PRKAR1A: variants seen among roughly 807,000 people sequenced by gnomAD.
PRKAR1A encodes the protein cAMP-dependent protein kinase type I-alpha regulatory subunit.
A neutral mutation model predicts 52.0 loss-of-function variants in PRKAR1A; 3 were observed. The ratio of observed to expected loss-of-function variants is 0.06; its 90% CI spans 0.03 to 0.15. PRKAR1A has a LOEUF of 0.15. Ranked by LOEUF, PRKAR1A falls within the 10% of genes least tolerant of loss-of-function variation. The probability of loss-of-function intolerance (pLI) is 1.00; values close to 1 mark genes in which losing one functional copy is unlikely to be tolerated. For synonymous variants in PRKAR1A, 188 were observed against 168.4 expected, an observed-to-expected ratio of 1.12 and a Z score of -0.90; for missense variants, 240 against 477.4, an observed-to-expected ratio of 0.50 and a Z score of 4.63.
rs573817614 is a variant in PRKAR1A, at chr17:68,532,563, G to A, written c.*2114G>A. ...ATAATTTGTCTTAGTTGATATTCAA[G>A]GCTTTAAAAGTCATTATTCCTGGGC... On this transcript the variant is annotated 3_prime_UTR_variant, in exon 11 of 11. Transcript: ENST00000589228. 33 of 1,065,920 alleles carry A rather than the reference G, an allele frequency of 3.1e-5. No homozygotes were observed. The South Asian group carries it at 1.3e-3, about 43-fold the overall frequency. The allele number at this position is 1,065,920 out of a possible 1,614,324, so 66.0% of individuals were successfully genotyped here. A position where few individuals can be genotyped will look rare whatever the true frequency, so the allele number is the denominator to read the frequency against.
chr17:68,527,152 T>G (rs2085817847), intron 7 of PRKAR1A, among the ~76,000 whole-genome samples: 1 of 152,242 alleles, frequency 6.6e-6, no homozygotes, highest in African/African-American at 2.4e-5. Flanking sequence ...TATTTTACTT[T>G]CTCATAGTGG....
At chr17:68,530,125 C>T (rs2085928782) in intron 10 of PRKAR1A, 124 bp downstream of exon 10, 6 of 1,474,268 alleles carry the variant, frequency 4.1e-6, no homozygotes, top group Non-Finnish European at 5.7e-6. Context: ...TCTTTTTTGG[C>T]TCTGAGAGGG....
the PRKAR1A span, among the ~76,000 whole-genome samples, chr17:68,423,829 A>G: frequency 6.6e-6 from 1 of 152,336 alleles, no homozygotes; most frequent in Admixed American, 6.5e-5. The surrounding 1 kb of genome is among the most constrained non-coding windows in gnomAD (Gnocchi z 4.4). Flanking sequence ...TAATATCCAC[A>G]TTACCCCAAT....
the PRKAR1A span, among the ~76,000 whole-genome samples, chr17:68,425,701 C>T: frequency 7.2e-5 from 11 of 152,302 alleles, no homozygotes; most frequent in African/African-American, 2.6e-4. Context: ...ATTCTGCAAA[C>T]GCATCCATGG....
chr17:68,517,701 A>G (rs754099841), intron 2 of PRKAR1A, among the ~76,000 whole-genome samples: 1 of 152,176 alleles, frequency 6.6e-6, no homozygotes, highest in Non-Finnish European at 1.5e-5. Flanking sequence ...CAGCCAAACC[A>G]TATCATTCCA....
the PRKAR1A span, among the ~76,000 whole-genome samples, chr17:68,416,225 G>C: frequency 1.3e-5 from 2 of 152,186 alleles, no homozygotes; most frequent in Non-Finnish European, 2.9e-5. Context: ...GTGGTGACTT[G>C]GTAGTGGTGA....
the PRKAR1A span, among the ~76,000 whole-genome samples, chr17:68,488,061 AG>A: frequency 1.3e-5 from 2 of 152,076 alleles, no homozygotes; most frequent in African/African-American, 2.4e-5. Context: ...ACAGGGGAGT[AG>A]GGGGGTGGCA....
chr17:68,465,476 A>G, the PRKAR1A span, among the ~76,000 whole-genome samples: 13 of 151,796 alleles, frequency 8.6e-5, no homozygotes, highest in Non-Finnish European at 1.8e-4. Context: ...TATTTTTTAG[A>G]TGGAGTCTCA....
chr17:68,426,249 C>CGGGGGGGGGGGGGGGGGG, the PRKAR1A span: 1 of 776,014 alleles, frequency 1.3e-6, no homozygotes, highest in African/African-American at 1.9e-5. Flanking sequence ...GGGTGGGGAG[C>CGGGGGGGGGGGGGGGGGG]GGGGGCTCAA....
chr17:68,431,670 C>T, the PRKAR1A span, among the ~76,000 whole-genome samples: 5 of 14,740 alleles, frequency 3.4e-4, no homozygotes, highest in Non-Finnish European at 7.1e-4. Context: ...TGGACCAGCA[C>T]GAGGTGCTAA....
At chr17:68,525,323 C>T (rs1031028389) in intron 6 of PRKAR1A, among the ~76,000 whole-genome samples, 10 of 148,962 alleles carry the variant, frequency 6.7e-5, no homozygotes, top group Admixed American at 3.4e-4. Context: ...ATTCTAGACC[C>T]AGCCATTAGC....
chr17:68,438,225 C>A, the PRKAR1A span, among the ~76,000 whole-genome samples: 28 of 149,680 alleles, frequency 1.9e-4, no homozygotes, highest in African/African-American at 6.8e-4. Context: ...AGCCCCGGAA[C>A]CTTTAACTGC....
the PRKAR1A span, among the ~76,000 whole-genome samples, chr17:68,486,523 T>C: frequency 1.1e-3 from 115 of 100,088 alleles, no homozygotes; most frequent in Non-Finnish European, 1.9e-3. Context: ...CTTTCTTTCT[T>C]TCTTTCTTTC....
chr17:68,550,110 T>G (rs999599084), intron 11 of PRKAR1A, among the ~76,000 whole-genome samples: 2 of 152,066 alleles, frequency 1.3e-5, no homozygotes, highest in African/African-American at 4.8e-5. Flanking sequence ...GGGAAATAAG[T>G]TAATATTGAT....
chr17:68,536,893 C>CT (rs1173157692), downstream of PRKAR1A: 1 of 454,114 alleles, frequency 2.2e-6, no homozygotes, highest in East Asian at 6.9e-5. Flanking sequence ...TATAATATCT[C>CT]TAAGAAGTTA....
chr17:68,450,730 G>A, the PRKAR1A span: 3 of 1,605,278 alleles, frequency 1.9e-6, no homozygotes, highest in Admixed American at 1.7e-5. Context: ...CCACTTACTT[G>A]CCGGTTCAGC....
At chr17:68,505,572 G>A in the PRKAR1A span, among the ~76,000 whole-genome samples, 1 of 152,136 alleles carries the variant, frequency 6.6e-6, no homozygotes, top group Non-Finnish European at 1.5e-5. Context: ...TAGCACTTTG[G>A]GAGGCCCAAG....
the PRKAR1A span, chr17:68,436,292 C>T: frequency 1.9e-3 from 2,217 of 1,187,992 alleles, 39 homozygotes; most frequent in African/African-American, 0.028. Context: ...CGCCTCCAGC[C>T]CCCGACGGCA....
downstream of PRKAR1A, among the ~76,000 whole-genome samples, chr17:68,537,943 T>G (rs1438736094): frequency 2.6e-5 from 4 of 152,174 alleles, no homozygotes; most frequent in Non-Finnish European, 5.9e-5. The surrounding 1 kb of genome is among the most constrained non-coding windows in gnomAD (Gnocchi z 4.2). Context: ...TTTGCCCAAT[T>G]GCGATTTGGT....
Sources: allele counts gnomAD v4.1 joint callset (sites outside exome capture counted in the v4.1 genomes callset), GRCh38; gene constraint gnomAD v4.1.1; non-coding constraint Gnocchi (gnomAD v3.1); transcripts MANE v1.5; gene names NCBI Gene and HGNC (gene_info 2026-07-23, HGNC 2026-07-21).